Variants in RNF216 observed in about 807,000 individuals in gnomAD.
RNF216 encodes the protein E3 ubiquitin-protein ligase RNF216.
Under a neutral mutation model 110.8 loss-of-function variants are expected in RNF216, and 72 were observed. The observed-to-expected ratio is 0.65, with a 90% CI of 0.54 to 0.79. The LOEUF is 0.79. RNF216 is among the 30% of genes least tolerant of loss of function. The pLI is 0.00. For missense variants in RNF216, 1,342 were observed against 1,141.2 expected (o/e 1.18, Z -2.54); for synonymous variants, 495 against 407.5 (o/e 1.21, Z -2.59).
intron 8 of RNF216, among the ~76,000 whole-genome samples, chr7:5,723,555 G>T (rs953451465): frequency 6.6e-6 from 1 of 152,000 alleles, no homozygotes; most frequent in African/African-American, 2.4e-5. Flanking sequence ...GCTGAGGTAG[G>T]AGAATGGCGT....
At chr7:5,634,831 C>T (rs540122721) in intron 15 of RNF216, among the ~76,000 whole-genome samples, 1 of 152,234 alleles carries the variant, frequency 6.6e-6, no homozygotes, top group Non-Finnish European at 1.5e-5. Flanking sequence ...CTGTGCTGCC[C>T]TGCTTGGGAA....
intron 1 of RNF216, among the ~76,000 whole-genome samples, chr7:5,771,530 C>T (rs1227797392): frequency 6.6e-6 from 1 of 152,206 alleles, no homozygotes; most frequent in African/African-American, 2.4e-5. Flanking sequence ...GGTGCAGTGG[C>T]TCATGCCTGT....
intron 1 of RNF216, among the ~76,000 whole-genome samples, chr7:5,771,615 G>A (rs994384676): frequency 6.6e-6 from 1 of 152,024 alleles, no homozygotes; most frequent in African/African-American, 2.4e-5. Flanking sequence ...TGGACAACAT[G>A]GCAAAACCCA....
intron 8 of RNF216, among the ~76,000 whole-genome samples, chr7:5,721,758 A>C (rs1793439795): frequency 6.6e-6 from 1 of 152,202 alleles, no homozygotes. Context: ...TATGATTTTC[A>C]ACCATTTTTA....
intron 1 of RNF216, among the ~76,000 whole-genome samples, chr7:5,777,121 T>A (rs2128686178): frequency 6.7e-6 from 1 of 148,870 alleles, no homozygotes. Flanking sequence ...AAAGAGCCAG[T>A]GGAGCCCGGC....
intron 2 of RNF216, 37 bp from the exon 3 acceptor site, chr7:5,753,016 G>C: frequency 6.3e-7 from 1 of 1,584,858 alleles, no homozygotes. Flanking sequence ...CTGGGAGGTT[G>C]GCACTATCAC....
At chr7:5,698,471 C>T (rs772108586) in intron 13 of RNF216, among the ~76,000 whole-genome samples, 5 of 152,076 alleles carry the variant, frequency 3.3e-5, no homozygotes, top group Non-Finnish European at 7.4e-5. Flanking sequence ...TTCACAGCGG[C>T]CTCGATCTTC....
intron 15 of RNF216, among the ~76,000 whole-genome samples, chr7:5,631,506 G>C (rs1562771367): frequency 6.6e-6 from 1 of 152,124 alleles, no homozygotes; most frequent in African/African-American, 2.4e-5. Flanking sequence ...CACTGGTTTT[G>C]GTCCATCTCA....
At chr7:5,711,391 G>T (rs937923611) in intron 13 of RNF216, among the ~76,000 whole-genome samples, 1 of 152,218 alleles carries the variant, frequency 6.6e-6, no homozygotes, top group Non-Finnish European at 1.5e-5. Context: ...CAAAAGGTGT[G>T]TGTGTGGGGA....
chr7:5,688,631 G>A (rs1383576807), intron 13 of RNF216, among the ~76,000 whole-genome samples: 2 of 152,172 alleles, frequency 1.3e-5, no homozygotes, highest in Non-Finnish European at 2.9e-5. Context: ...TACAAAGTGA[G>A]CAGAAGGCTC....
At chr7:5,751,629 T>A (rs1795331859) in intron 3 of RNF216, among the ~76,000 whole-genome samples, 1 of 152,054 alleles carries the variant, frequency 6.6e-6, no homozygotes, top group Non-Finnish European at 1.5e-5. Context: ...CATCAGTTAT[T>A]TTTCTCTTTT....
At chr7:5,663,968 CATGGAGATGCG>C (rs1436358318) in intron 13 of RNF216, among the ~76,000 whole-genome samples, 1 of 152,130 alleles carries the variant, frequency 6.6e-6, no homozygotes, top group African/African-American at 2.4e-5. Context: ...TTCTGTGCCA[CATGGAGATGCG>C]ATGGAGATGA....
chr7:5,647,328 C>CTTTTTTTTTT (rs10617479), intron 14 of RNF216, among the ~76,000 whole-genome samples: 3 of 94,810 alleles, frequency 3.2e-5, no homozygotes, highest in Non-Finnish European at 6.4e-5. Flanking sequence ...TTCTTTCTTT[C>CTTTTTTTTTT]TTTTTTTTTT....
chr7:5,711,538 G>A (rs1792689741), intron 13 of RNF216, among the ~76,000 whole-genome samples: 1 of 152,154 alleles, frequency 6.6e-6, no homozygotes, highest in African/African-American at 2.4e-5. Flanking sequence ...ATATAAAATA[G>A]GAATCCAGAG....
chr7:5,686,703 C>T (rs1791008149), intron 13 of RNF216, among the ~76,000 whole-genome samples: 1 of 152,194 alleles, frequency 6.6e-6, no homozygotes, highest in African/African-American at 2.4e-5. Context: ...GCGGCAATGA[C>T]ATATTACCTA....
intron 6 of RNF216, 142 bp downstream of exon 6, chr7:5,730,573 C>G: frequency 9.3e-7 from 1 of 1,070,364 alleles, no homozygotes; most frequent in Non-Finnish European, 1.3e-6. Context: ...TAGATATATT[C>G]TGAAATCCTA....
chr7:5,773,294 G>A (rs1369506331), intron 1 of RNF216, among the ~76,000 whole-genome samples: 2 of 151,080 alleles, frequency 1.3e-5, no homozygotes. Context: ...CTGGGCTGGA[G>A]TGCAGTGGTG....
intron 10 of RNF216, among the ~76,000 whole-genome samples, chr7:5,715,867 G>A (rs183051117): frequency 0.011 from 1,579 of 150,310 alleles, 23 homozygotes; most frequent in African/African-American, 0.035. Context: ...TCAGCCTCCC[G>A]AGTAGTGGGG....
intron 8 of RNF216, among the ~76,000 whole-genome samples, chr7:5,725,069 T>A (rs898180371): frequency 7.9e-5 from 12 of 152,188 alleles, no homozygotes; most frequent in Non-Finnish European, 1.8e-4. Flanking sequence ...AAATACCTTC[T>A]CACACATGAA....
Sources: allele counts gnomAD v4.1 joint callset (sites outside exome capture counted in the v4.1 genomes callset), GRCh38; gene constraint gnomAD v4.1.1; transcripts MANE v1.5; gene names NCBI Gene and HGNC (gene_info 2026-07-23, HGNC 2026-07-21).